Variants in ENTREP2 observed in about 807,000 individuals in gnomAD.
ENTREP2 encodes the protein protein ENTREP2.
At chr15:29,130,656 G>A in the ENTREP2 span, among the ~76,000 whole-genome samples, 1 of 152,184 alleles carries the variant, frequency 6.6e-6, no homozygotes, top group African/African-American at 2.4e-5. Context: ...ACTTCCTTCT[G>A]GCTCCCGGTC....
the ENTREP2 span, among the ~76,000 whole-genome samples, chr15:29,636,255 G>A: frequency 6.6e-6 from 1 of 152,204 alleles, no homozygotes. Flanking sequence ...GTGGACGAGG[G>A]GCGTTTCCTC....
chr15:29,124,967 C>A, the ENTREP2 span, among the ~76,000 whole-genome samples: 1 of 152,212 alleles, frequency 6.6e-6, no homozygotes, highest in Non-Finnish European at 1.5e-5. Context: ...GTCCCAGGTC[C>A]CACCCTGACA....
At chr15:29,539,082 C>T in the ENTREP2 span, among the ~76,000 whole-genome samples, 1 of 152,108 alleles carries the variant, frequency 6.6e-6, no homozygotes, top group Non-Finnish European at 1.5e-5. Context: ...GGAGAAACAT[C>T]GGGAGACTGC....
chr15:29,288,903 A>T, the ENTREP2 span, among the ~76,000 whole-genome samples: 1 of 152,178 alleles, frequency 6.6e-6, no homozygotes, highest in Non-Finnish European at 1.5e-5. Context: ...TTTCCAGAAC[A>T]TACAAAATAA....
the ENTREP2 span, among the ~76,000 whole-genome samples, chr15:29,531,498 C>T: frequency 5.9e-4 from 89 of 152,098 alleles, no homozygotes; most frequent in Non-Finnish European, 1.1e-3. Flanking sequence ...TGAAGGGCAG[C>T]CCTGGGGAGG....
the ENTREP2 span, among the ~76,000 whole-genome samples, chr15:29,244,386 G>A: frequency 6.6e-6 from 1 of 152,216 alleles, no homozygotes; most frequent in Non-Finnish European, 1.5e-5. Flanking sequence ...TAAAACAAGG[G>A]TGTTAAAAAA....
At chr15:29,627,603 A>G in the ENTREP2 span, among the ~76,000 whole-genome samples, 4 of 150,098 alleles carry the variant, frequency 2.7e-5, no homozygotes, top group Non-Finnish European at 4.4e-5. Context: ...AATTTTTTTC[A>G]TTATCTCAAA....
At chr15:29,307,882 A>T in the ENTREP2 span, among the ~76,000 whole-genome samples, 1 of 152,170 alleles carries the variant, frequency 6.6e-6, no homozygotes, top group African/African-American at 2.4e-5. Context: ...GAAAAACTAA[A>T]TTTTTGTGTT....
the ENTREP2 span, among the ~76,000 whole-genome samples, chr15:29,538,003 C>T: frequency 6.6e-6 from 1 of 152,148 alleles, no homozygotes; most frequent in African/African-American, 2.4e-5. Flanking sequence ...AGGGGCCTTC[C>T]CAACCCCTTT....
the ENTREP2 span, among the ~76,000 whole-genome samples, chr15:29,160,671 C>G: frequency 7.0e-6 from 1 of 143,746 alleles, no homozygotes; most frequent in Admixed American, 7.1e-5. Context: ...ATCACACCAC[C>G]GCACTCCAGC....
the ENTREP2 span, among the ~76,000 whole-genome samples, chr15:29,371,480 T>C: frequency 0.019 from 2,951 of 151,876 alleles, 89 homozygotes; most frequent in African/African-American, 0.068. Context: ...TGGCCTGATA[T>C]TGAGTGGGAA....
At chr15:29,672,280 G>A in the ENTREP2 span, among the ~76,000 whole-genome samples, 3 of 152,030 alleles carry the variant, frequency 2.0e-5, no homozygotes, top group South Asian at 2.1e-4. Context: ...GAGCCACCGC[G>A]CCCGGTTTAC....
the ENTREP2 span, among the ~76,000 whole-genome samples, chr15:29,449,391 A>C: frequency 6.6e-6 from 1 of 152,186 alleles, no homozygotes; most frequent in Non-Finnish European, 1.5e-5. Context: ...GAGGTGGAAG[A>C]TGAAGGCTTG....
chr15:29,483,261 C>G, the ENTREP2 span, among the ~76,000 whole-genome samples: 1 of 152,200 alleles, frequency 6.6e-6, no homozygotes, highest in African/African-American at 2.4e-5. Context: ...ATAACTTCTG[C>G]AAATATTTTC....
At chr15:29,257,184 C>T in the ENTREP2 span, among the ~76,000 whole-genome samples, 1 of 152,044 alleles carries the variant, frequency 6.6e-6, no homozygotes, top group East Asian at 1.9e-4. Flanking sequence ...AGCGATTCTC[C>T]TGCCTCAGCC....
At chr15:29,466,830 A>ACGC in the ENTREP2 span, among the ~76,000 whole-genome samples, 3 of 133,024 alleles carry the variant, frequency 2.3e-5, no homozygotes, top group Non-Finnish European at 4.8e-5. Context: ...CCAGGGGAGG[A>ACGC]TGCTGCAGCC....
the ENTREP2 span, among the ~76,000 whole-genome samples, chr15:29,286,504 G>A: frequency 6.6e-6 from 1 of 152,200 alleles, no homozygotes; most frequent in Admixed American, 6.5e-5. Flanking sequence ...AAGGGACAGG[G>A]ACTATCTGTC....
the ENTREP2 span, among the ~76,000 whole-genome samples, chr15:29,138,375 G>C: frequency 6.6e-6 from 1 of 152,208 alleles, no homozygotes; most frequent in Non-Finnish European, 1.5e-5. Flanking sequence ...CACCTGTGGC[G>C]TGAGATGCCT....
At chr15:29,574,469 T>A in the ENTREP2 span, among the ~76,000 whole-genome samples, 1 of 152,144 alleles carries the variant, frequency 6.6e-6, no homozygotes. Context: ...CATTTTTGTA[T>A]TTTTAGTAGA....
Sources: allele counts gnomAD v4.1 joint callset (sites outside exome capture counted in the v4.1 genomes callset), GRCh38; gene constraint gnomAD v4.1.1; transcripts MANE v1.5; gene names NCBI Gene and HGNC (gene_info 2026-07-23, HGNC 2026-07-21).